Variants in GRID2 observed in about 807,000 individuals in gnomAD.
GRID2 encodes glutamate receptor ionotropic, delta-2.
A neutral mutation model predicts 114.8 loss-of-function variants in GRID2; 33 were observed. The observed-to-expected ratio is 0.29, with a 90% CI of 0.22 to 0.38. The LOEUF is 0.38. Ranked by LOEUF, GRID2 falls within the 10% of genes least tolerant of loss-of-function variation. The pLI, the probability that GRID2 is intolerant of heterozygous loss-of-function variation, is 1.00. For synonymous variants in GRID2, 505 were observed against 449.9 expected (o/e 1.12, Z -1.55); for missense variants, 1,184 against 1,257.7 (o/e 0.94, Z 0.89).
intron 1 of GRID2, among the ~76,000 whole-genome samples, chr4:93,800,846 TA>T: frequency 6.6e-6 from 1 of 152,154 alleles, no homozygotes. Flanking sequence ...ACACCAACGT[TA>T]AAAGGAATTC....
At chr4:92,853,055 G>A (rs1743935228) in intron 2 of GRID2, among the ~76,000 whole-genome samples, 1 of 151,938 alleles carries the variant, frequency 6.6e-6, no homozygotes, top group South Asian at 2.1e-4. Context: ...AGAAGCAGAG[G>A]CAAATCCTTG....
chr4:93,504,210 A>G (rs1388719709), intron 12 of GRID2, among the ~76,000 whole-genome samples: 1 of 152,086 alleles, frequency 6.6e-6, no homozygotes, highest in Non-Finnish European at 1.5e-5. Context: ...TGGATTCCTC[A>G]TTTGAATTCA....
At chr4:92,990,176 G>A (rs1429576479) in intron 2 of GRID2, among the ~76,000 whole-genome samples, 2 of 148,794 alleles carry the variant, frequency 1.3e-5, no homozygotes, top group African/African-American at 5.0e-5. Flanking sequence ...CCAAAATAGA[G>A]TGGCATTCAT....
chr4:93,435,059 C>T (rs1490937252), intron 10 of GRID2, among the ~76,000 whole-genome samples: 1 of 151,814 alleles, frequency 6.6e-6, no homozygotes, highest in Non-Finnish European at 1.5e-5. Flanking sequence ...ACCTATCTCT[C>T]TTATTCTGTT....
At chr4:92,634,484 C>A (rs2149248490) in intron 2 of GRID2, among the ~76,000 whole-genome samples, 1 of 152,146 alleles carries the variant, frequency 6.6e-6, no homozygotes, top group Admixed American at 6.6e-5. Flanking sequence ...TCACGTACAA[C>A]CAAGATGTCA....
At chr4:92,827,769 T>C (rs1004403995) in intron 2 of GRID2, among the ~76,000 whole-genome samples, 3 of 152,022 alleles carry the variant, frequency 2.0e-5, no homozygotes, top group Non-Finnish European at 2.9e-5. Flanking sequence ...ATATAAGCAC[T>C]TTCCTTTTAG....
intron 10 of GRID2, among the ~76,000 whole-genome samples, chr4:93,429,684 G>C (rs1003646001): frequency 2.0e-5 from 3 of 151,658 alleles, no homozygotes; most frequent in African/African-American, 7.3e-5. Context: ...CAGGAAAATG[G>C]AAAAAAAGGA....
chr4:93,227,765 T>A (rs1205512318), intron 7 of GRID2, among the ~76,000 whole-genome samples: 1 of 152,226 alleles, frequency 6.6e-6, no homozygotes, highest in Non-Finnish European at 1.5e-5. Flanking sequence ...AGTCCTAGAA[T>A]ATGGCCACAA....
chr4:92,471,792 C>A (rs1443415330), intron 1 of GRID2, among the ~76,000 whole-genome samples: 1 of 152,004 alleles, frequency 6.6e-6, no homozygotes, highest in Non-Finnish European at 1.5e-5. Context: ...CCCAGGAAAA[C>A]GTGGTTTTTT....
At position 92,918,664 on chromosome 4, in the gene GRID2, T is replaced by C. The variant is rs547950888; in HGVS notation, c.245-166331T>C. 1.1e-4 allele frequency among the ~76,000 whole-genome samples: 16 copies of C among 152,214 alleles called. 1 individual carries two copies. In the South Asian group the frequency reaches 2.9e-3, roughly 28 times the overall value. On this transcript the variant is annotated intron_variant, in intron 2 of 15. Coordinates refer to ENST00000282020, the MANE Select transcript of GRID2 (RefSeq NM_001510.4). ...ATGCTGGATTACATTTACTGATTTGTGTATATTGAACCAGCCTTGCATCCC... is the reference window on the plus strand; with the variant it reads ...ATGCTGGATTACATTTACTGATTTGCGTATATTGAACCAGCCTTGCATCCC...
At chr4:92,411,017 T>C (rs921630174) in intron 1 of GRID2, among the ~76,000 whole-genome samples, 2 of 152,100 alleles carry the variant, frequency 1.3e-5, no homozygotes, top group Non-Finnish European at 2.9e-5. Flanking sequence ...GTTTTCATCA[T>C]GTTTTTGGAT....
intron 1 of GRID2, among the ~76,000 whole-genome samples, chr4:92,408,750 G>T (rs2110296104): frequency 6.6e-6 from 1 of 151,864 alleles, no homozygotes; most frequent in African/African-American, 2.4e-5. Context: ...TGATAAATGG[G>T]ATTGTGTTCT....
Position 93,017,818 on chromosome 4 carries a change from AAAAAG to A in GRID2, c.245-67162_245-67158del, listed in dbSNP as rs1462621945. Reference sequence around the variant, plus strand: ...GGCTCCTTTTCAAGAAAAAAAAAAAAAAAAGAAAAGAAAAGAAAAAATAAATTGCA... The same window carrying A: ...GGCTCCTTTTCAAGAAAAAAAAAAAAAAAAGAAAAGAAAAAATAAATTGCA... On this transcript the variant is annotated intron_variant, in intron 2 of 15. Coordinates refer to ENST00000282020, the MANE Select transcript of GRID2 (RefSeq NM_001510.4). 3.8e-4 allele frequency among the ~76,000 whole-genome samples: 57 copies of A among 150,358 alleles called. 1 individual carries two copies. In the Middle Eastern group the frequency reaches 0.01, roughly 27 times the overall value.
At chr4:93,011,968 TA>T (rs1722219969) in intron 2 of GRID2, among the ~76,000 whole-genome samples, 1 of 151,670 alleles carries the variant, frequency 6.6e-6, no homozygotes, top group African/African-American at 2.4e-5. Flanking sequence ...ACCTTCCCTT[TA>T]CCCCATCCCT....
chr4:92,667,735 A>T (rs934863665), intron 2 of GRID2, among the ~76,000 whole-genome samples: 1 of 151,820 alleles, frequency 6.6e-6, no homozygotes, highest in Non-Finnish European at 1.5e-5. Context: ...GAAAAATTGT[A>T]TACAGTGTTG....
chr4:92,642,101 G>C (rs1250679532), intron 2 of GRID2, among the ~76,000 whole-genome samples: 1 of 151,440 alleles, frequency 6.6e-6, no homozygotes, highest in Admixed American at 6.6e-5. Flanking sequence ...CTATGGCAAT[G>C]AACATTTGGG....
chr4:93,162,461 A>G (rs1423805822), intron 4 of GRID2, among the ~76,000 whole-genome samples: 1 of 151,906 alleles, frequency 6.6e-6, no homozygotes, highest in African/African-American at 2.4e-5. Context: ...GTTAGCGAGG[A>G]ATAAAAATAT....
chr4:92,933,988 C>G (rs2149524455), intron 2 of GRID2, among the ~76,000 whole-genome samples: 1 of 151,702 alleles, frequency 6.6e-6, no homozygotes, highest in South Asian at 2.1e-4. Context: ...TACTTAAACA[C>G]TCTATAAAAG....
intron 4 of GRID2, among the ~76,000 whole-genome samples, chr4:93,122,780 T>C (rs1470238642): frequency 1.3e-5 from 2 of 152,090 alleles, no homozygotes; most frequent in Non-Finnish European, 2.9e-5. Flanking sequence ...TATTTCCTTG[T>C]ATCGTATTTA....
Sources: allele counts gnomAD v4.1 joint callset (sites outside exome capture counted in the v4.1 genomes callset), GRCh38; gene constraint gnomAD v4.1.1; transcripts MANE v1.5; gene names NCBI Gene and HGNC (gene_info 2026-07-23, HGNC 2026-07-21).